EFNA5: variants seen among roughly 807,000 people sequenced by gnomAD.
EFNA5 encodes ephrin-A5.
A neutral mutation model predicts 22.9 loss-of-function variants in EFNA5; 5 were observed. That is an observed-to-expected ratio of 0.22 (90% CI 0.11 to 0.46). The LOEUF is 0.46. Among genes scored for constraint, EFNA5 ranks in the 20% least tolerant of loss-of-function variants. EFNA5 has a pLI of 0.99. For synonymous variants in EFNA5, 113 were observed against 112.2 expected, an observed-to-expected ratio of 1.01 and a Z score of -0.04; for missense variants, 237 against 293.3, an observed-to-expected ratio of 0.81 and a Z score of 1.40.
At position 107,377,158 on chromosome 5, in the gene EFNA5, C is replaced by A. The variant is rs1353546037; in HGVS notation, c.*4097G>T. The A allele has an allele frequency of 6.6e-6, 1 of 152,172 alleles. No individual in the cohort carries two copies. Among genetic ancestry groups the A allele is most frequent in the African/African-American group, 2.4e-5 (1 of 41,402 alleles). 9.4% of individuals were successfully genotyped at this position (152,172 alleles called of 1,614,324 possible). A position where few individuals can be genotyped will look rare whatever the true frequency, so the allele number is the denominator to read the frequency against. ...ACAATGAGTGGCTTCAATGGGGTGTCAAGAGTAAGCATGGAGAGCGGATTT... is the reference window on the plus strand; with the variant it reads ...ACAATGAGTGGCTTCAATGGGGTGTAAAGAGTAAGCATGGAGAGCGGATTT... On this transcript the variant is annotated 3_prime_UTR_variant, in exon 5 of 5. Coordinates refer to ENST00000333274, the MANE Select transcript of EFNA5 (RefSeq NM_001962.3).
intron 1 of EFNA5, among the ~76,000 whole-genome samples, chr5:107,463,670 ATAAT>A (rs1749896039): frequency 6.6e-6 from 1 of 152,212 alleles, no homozygotes; most frequent in Non-Finnish European, 1.5e-5. Context: ...AGGGCACAAA[ATAAT>A]TAAAACTTGC....
intron 1 of EFNA5, among the ~76,000 whole-genome samples, chr5:107,577,875 C>T (rs1394332402): frequency 2.0e-5 from 3 of 152,164 alleles, no homozygotes; most frequent in South Asian, 4.1e-4. Context: ...GAGGGATAAA[C>T]CTTTTTTGGA....
intron 1 of EFNA5, among the ~76,000 whole-genome samples, chr5:107,512,158 G>C (rs577361391): frequency 6.6e-6 from 1 of 152,258 alleles, no homozygotes; most frequent in Non-Finnish European, 1.5e-5. Flanking sequence ...AAGACATAAA[G>C]CAGCATTCAA....
intron 1 of EFNA5, among the ~76,000 whole-genome samples, chr5:107,565,502 T>TCTCTCTTTA (rs1748647032): frequency 6.6e-6 from 1 of 152,210 alleles, no homozygotes; most frequent in Non-Finnish European, 1.5e-5. Context: ...GTCTGGGAAA[T>TCTCTCTTTA]AATGTTTGTG....
chr5:107,624,259 G>T (rs756865417), intron 1 of EFNA5, among the ~76,000 whole-genome samples: 1 of 152,066 alleles, frequency 6.6e-6, no homozygotes, highest in African/African-American at 2.4e-5. Flanking sequence ...TTAGCCTTCC[G>T]ACCTGCATAA....
intron 1 of EFNA5, among the ~76,000 whole-genome samples, chr5:107,615,981 T>C (rs541788247): frequency 6.6e-6 from 1 of 152,236 alleles, no homozygotes; most frequent in Non-Finnish European, 1.5e-5. Flanking sequence ...AAATTATTCT[T>C]CAAATTATAT....
In EFNA5 at chr5:107,384,802, C is replaced by T. The variant is rs1245381891; in HGVS notation, c.565+2433G>A. Among the ~76,000 whole-genome samples, 4 of 112,234 alleles carry T rather than the reference C, an allele frequency of 3.6e-5. No homozygotes were observed. In the South Asian group the frequency reaches 1.2e-3, roughly 33 times the overall value. The allele number at this position is 112,234 out of a possible 152,430, so 73.6% of individuals were successfully genotyped here. A position where few individuals can be genotyped will look rare whatever the true frequency, so the allele number is the denominator to read the frequency against. On this transcript the variant is annotated intron_variant, in intron 4 of 4. Coordinates refer to ENST00000333274, the MANE Select transcript of EFNA5 (RefSeq NM_001962.3). The stretch of plus-strand genomic sequence containing the variant: ...TTTTTTTTTTTTTTTTTGGTAAAGA[C>T]AAGGTTTCACAGTGTTGTCCAGGTT...
At chr5:107,405,769 T>A (rs1167495836) in intron 2 of EFNA5, among the ~76,000 whole-genome samples, 1 of 151,816 alleles carries the variant, frequency 6.6e-6, no homozygotes, top group African/African-American at 2.4e-5. Flanking sequence ...AAATCCCAGA[T>A]CCTTACCATG....
chr5:107,447,694 G>C (rs1051759999), intron 1 of EFNA5, among the ~76,000 whole-genome samples: 8 of 152,182 alleles, frequency 5.3e-5, no homozygotes, highest in African/African-American at 1.7e-4. Flanking sequence ...ACGAAGGGGA[G>C]GGGGGCTTCT....
intron 2 of EFNA5, among the ~76,000 whole-genome samples, chr5:107,417,354 A>G (rs1748529097): frequency 6.6e-6 from 1 of 152,164 alleles, no homozygotes; most frequent in African/African-American, 2.4e-5. Context: ...TGAAGCTTTA[A>G]ACTTTAAAAC....
chr5:107,377,764 T>A lies in EFNA5; in HGVS notation c.*3491A>T, dbSNP rs1747306199. 6.6e-6 allele frequency: 1 copy of A among 152,092 alleles called. No homozygotes were observed. Among genetic ancestry groups the A allele is most frequent in the African/African-American group, 2.4e-5 (1 of 41,398 alleles). The allele number at this position is 152,092 out of a possible 1,614,324, so 9.4% of individuals were successfully genotyped here. A position where few individuals can be genotyped will look rare whatever the true frequency, so the allele number is the denominator to read the frequency against. ...AAAATAAAACAGTCCATGAAAACAATCACAAACAGAAAACCAAACCAAACC... is the reference window on the plus strand; with the variant it reads ...AAAATAAAACAGTCCATGAAAACAAACACAAACAGAAAACCAAACCAAACC... On this transcript the variant is annotated 3_prime_UTR_variant, in exon 5 of 5. Coordinates refer to ENST00000333274, the MANE Select transcript of EFNA5 (RefSeq NM_001962.3).
At chr5:107,572,835 G>A (rs1046787768) in intron 1 of EFNA5, among the ~76,000 whole-genome samples, 17 of 152,068 alleles carry the variant, frequency 1.1e-4, no homozygotes, top group Admixed American at 9.8e-4. Flanking sequence ...TCTTGCATAA[G>A]CATGCTGATG....
chr5:107,553,315 G>C (rs535073055), intron 1 of EFNA5, among the ~76,000 whole-genome samples: 189 of 152,310 alleles, frequency 1.2e-3, no homozygotes, highest in African/African-American at 4.2e-3. Flanking sequence ...AAACGTTAGG[G>C]AAGAGAAATA....
intron 1 of EFNA5, among the ~76,000 whole-genome samples, chr5:107,493,224 A>G (rs1366383478): frequency 6.8e-6 from 1 of 148,006 alleles, no homozygotes; most frequent in Non-Finnish European, 1.5e-5. Flanking sequence ...TTTTTTTTTT[A>G]TCTTTTACAA....
At chr5:107,634,315 G>A (rs866331719) in intron 1 of EFNA5, among the ~76,000 whole-genome samples, 2 of 152,056 alleles carry the variant, frequency 1.3e-5, no homozygotes, top group Admixed American at 1.3e-4. Flanking sequence ...CTAGGAATTC[G>A]AGACCAGCCT....
chr5:107,434,887 C>T (rs1368347249), intron 1 of EFNA5, among the ~76,000 whole-genome samples: 1 of 152,134 alleles, frequency 6.6e-6, no homozygotes, highest in Non-Finnish European at 1.5e-5. Context: ...AACAGAAATC[C>T]AATGTCACTT....
chr5:107,624,140 A>T (rs1160830747), intron 1 of EFNA5, among the ~76,000 whole-genome samples: 1 of 152,066 alleles, frequency 6.6e-6, no homozygotes, highest in Non-Finnish European at 1.5e-5. Context: ...ATCCTACCTT[A>T]ATAAGTAAAA....
At chr5:107,533,944 C>G (rs1747875413) in intron 1 of EFNA5, among the ~76,000 whole-genome samples, 1 of 152,220 alleles carries the variant, frequency 6.6e-6, no homozygotes, top group Non-Finnish European at 1.5e-5. Context: ...CTTGGCTTTT[C>G]TAGCCATTTC....
intron 1 of EFNA5, among the ~76,000 whole-genome samples, chr5:107,502,046 G>C (rs1326012549): frequency 6.6e-6 from 1 of 152,132 alleles, no homozygotes; most frequent in Admixed American, 6.6e-5. Context: ...ACCGGGCATT[G>C]CCTACGGAAG....
Sources: allele counts gnomAD v4.1 joint callset (sites outside exome capture counted in the v4.1 genomes callset), GRCh38; gene constraint gnomAD v4.1.1; transcripts MANE v1.5; gene names NCBI Gene and HGNC (gene_info 2026-07-23, HGNC 2026-07-21).